The following SIAE variants were observed in gnomAD, a reference collection of about 807,000 sequenced individuals.
SIAE encodes the protein sialic acid acetylesterase.
SIAE carries 39 observed loss-of-function variants against 52.6 expected under a neutral mutation model. The ratio of observed to expected loss-of-function variants is 0.74; its 90% CI spans 0.57 to 0.97. SIAE has a LOEUF of 0.97. SIAE is among the 50% of genes least tolerant of loss of function. The pLI is 0.00. For missense variants in SIAE, 592 were observed against 662.1 expected, an observed-to-expected ratio of 0.89 and a Z score of 1.16; for synonymous variants, 233 against 241.4, an observed-to-expected ratio of 0.97 and a Z score of 0.32.
At chr11:124,653,038 G>A (rs1459998571) in intron 4 of SIAE, among the ~76,000 whole-genome samples, 2 of 152,196 alleles carry the variant, frequency 1.3e-5, no homozygotes, top group African/African-American at 4.8e-5. Context: ...TGGATACCAT[G>A]TAGTAAGAGT....
At chr11:124,638,483 G>T in intron 9 of SIAE, 59 bp downstream of exon 9, 1 of 1,568,556 alleles carries the variant, frequency 6.4e-7, no homozygotes, top group South Asian at 1.1e-5. Flanking sequence ...CCTCAAGTGC[G>T]GAGGAAATCT....
At chr11:124,643,603 C>T (rs1292631487) in intron 7 of SIAE, among the ~76,000 whole-genome samples, 1 of 152,150 alleles carries the variant, frequency 6.6e-6, no homozygotes, top group African/African-American at 2.4e-5. Context: ...AGTTGATACA[C>T]TCCTACTCCT....
intron 3 of SIAE, chr11:124,659,977 C>A (rs1049062374): frequency 1.3e-5 from 2 of 155,230 alleles, no homozygotes; most frequent in African/African-American, 4.8e-5. Flanking sequence ...TTTAATATTT[C>A]TCAAAGGAAT....
Position 124,645,236 on chromosome 11 carries a change from A to C in SIAE, c.966+2129T>G, listed in dbSNP as rs1220057859. 6.6e-6 allele frequency among the ~76,000 whole-genome samples: 1 copy of C among 151,928 alleles called. No homozygotes were observed. Among genetic ancestry groups the C allele is most frequent in the African/African-American group, 2.4e-5 (1 of 41,410 alleles). ...CAGCATGTTTTTGTTGGTGATAATA[A>C]AGTTAAAACCTGGAGGTTAAGGGAC... On this transcript the variant is annotated intron_variant, in intron 7 of 9. Coordinates refer to ENST00000263593, the MANE Select transcript of SIAE (RefSeq NM_170601.5). This position sits in a 1 kb window ranked among gnomAD's most constrained non-coding sequence, Gnocchi z 4.7.
In SIAE at chr11:124,638,561, T is replaced by G. The variant is rs202195003; in HGVS notation, c.1301A>C (p.Lys434Thr). 19 of 1,614,090 alleles carry G rather than the reference T, an allele frequency of 1.2e-5. No individual in the cohort carries two copies. The highest frequency in any genetic ancestry group is 1.5e-5 in the Non-Finnish European group (18 of 1,179,950). Residue 434 changes from lysine to threonine, a missense_variant, in exon 9 of 10, where the codon AAG becomes ACG. Coordinates refer to ENST00000263593, the MANE Select transcript of SIAE (RefSeq NM_170601.5). ...TCTCACCTCAAATATCTTGTTGTCCTTTTTCTGCACCTGGATTTGCTGGTA... is the reference window on the plus strand; with the variant it reads ...TCTCACCTCAAATATCTTGTTGTCCGTTTTCTGCACCTGGATTTGCTGGTA... ...TYYQQIQVQK[K>T]DNKIFEISCC...
intron 7 of SIAE, among the ~76,000 whole-genome samples, chr11:124,642,579 G>C (rs1942866370): frequency 6.6e-6 from 1 of 152,176 alleles, no homozygotes; most frequent in Non-Finnish European, 1.5e-5. Flanking sequence ...GAAGCTATGA[G>C]GATATCTGGG....
At chr11:124,642,713 C>A (rs1942868049) in intron 7 of SIAE, among the ~76,000 whole-genome samples, 2 of 152,204 alleles carry the variant, frequency 1.3e-5, no homozygotes, top group Admixed American at 6.5e-5. Context: ...GATATCACTC[C>A]TGTGATTATG....
At chr11:124,639,940 T>C (rs1942817877) in intron 7 of SIAE, 73 bp from the exon 8 acceptor site, 1 of 1,522,760 alleles carries the variant, frequency 6.6e-7, no homozygotes, top group Non-Finnish European at 9.0e-7. Flanking sequence ...TGGCAGACTC[T>C]GCTTCTGCTT....
chr11:124,673,010 C>G (rs1390983153), intron 1 of SIAE, among the ~76,000 whole-genome samples: 2 of 152,194 alleles, frequency 1.3e-5, no homozygotes, highest in Non-Finnish European at 1.5e-5. Context: ...ATGGCAAGAT[C>G]TGACCTGCGC....
intron 3 of SIAE, among the ~76,000 whole-genome samples, chr11:124,655,173 TC>T (rs1943077113): frequency 7.0e-6 from 1 of 141,956 alleles, no homozygotes; most frequent in Admixed American, 6.7e-5. Flanking sequence ...ATTAACTTCT[TC>T]TTTTTTTTTT....
At chr11:124,638,804 G>A in intron 8 of SIAE, 67 bp from the exon 9 acceptor site, 2 of 1,293,402 alleles carry the variant, frequency 1.5e-6, no homozygotes, top group South Asian at 2.4e-5. Context: ...TTTTTTAAAA[G>A]GGGGATTATA....
At position 124,635,815 on chromosome 11, in the gene SIAE, T is replaced by G. The variant is rs749314968; in HGVS notation, c.*1136A>C. On this transcript the variant is annotated 3_prime_UTR_variant, in exon 10 of 10. Coordinates refer to ENST00000263593, the MANE Select transcript of SIAE (RefSeq NM_170601.5). ...ACATCACTAGTGATTATGCTTTTAT[T>G]TATTTCCAACTTCTTATAGGTAACA... 6.6e-6 allele frequency: 1 copy of G among 152,218 alleles called. No individual in the cohort carries two copies. The highest frequency in any genetic ancestry group is 2.4e-5 in the African/African-American group (1 of 41,460). The allele number at this position is 152,218 out of a possible 1,614,324, so 9.4% of individuals were successfully genotyped here.
intron 1 of SIAE, among the ~76,000 whole-genome samples, chr11:124,672,148 A>G (rs530312377): frequency 4.6e-5 from 7 of 152,050 alleles, no homozygotes; most frequent in Non-Finnish European, 8.8e-5. Flanking sequence ...CCTGACTCTA[A>G]GTGATCCGCC....
upstream of SIAE, chr11:124,673,866 G>T (rs1398942343): frequency 1.6e-4 from 83 of 528,012 alleles, no homozygotes; most frequent in East Asian, 2.0e-4. Context: ...GGCCGCCGTA[G>T]TTTTTTTTTT....
At chr11:124,642,947 A>G (rs1390844307) in intron 7 of SIAE, among the ~76,000 whole-genome samples, 1 of 152,116 alleles carries the variant, frequency 6.6e-6, no homozygotes, top group Non-Finnish European at 1.5e-5. Flanking sequence ...GCCGACAACC[A>G]CATGAACTTG....
intron 3 of SIAE, among the ~76,000 whole-genome samples, chr11:124,656,307 C>T (rs1270095652): frequency 6.6e-6 from 1 of 152,180 alleles, no homozygotes; most frequent in Non-Finnish European, 1.5e-5. Context: ...TGAATCTGCA[C>T]ATGTGGAACT....
chr11:124,650,881 C>A (rs1282694166), intron 4 of SIAE, among the ~76,000 whole-genome samples: 1 of 152,188 alleles, frequency 6.6e-6, no homozygotes. Flanking sequence ...AAAGGGAAAG[C>A]CACAGAAGCC....
intron 7 of SIAE, among the ~76,000 whole-genome samples, chr11:124,640,482 C>T (rs1281836052): frequency 1.3e-5 from 2 of 152,066 alleles, no homozygotes; most frequent in Non-Finnish European, 2.9e-5. Flanking sequence ...GAATCATGAG[C>T]AAAAAATATG....
intron 4 of SIAE, among the ~76,000 whole-genome samples, chr11:124,653,755 C>G (rs1426380140): frequency 6.6e-6 from 1 of 152,180 alleles, no homozygotes; most frequent in Non-Finnish European, 1.5e-5. Context: ...GCGATGTTTA[C>G]TGTTGTTTTG....
Sources: allele counts gnomAD v4.1 joint callset (sites outside exome capture counted in the v4.1 genomes callset), GRCh38; gene constraint gnomAD v4.1.1; non-coding constraint Gnocchi (gnomAD v3.1); transcripts MANE v1.5; gene names NCBI Gene and HGNC (gene_info 2026-07-23, HGNC 2026-07-21).